RIMS1: variants seen among roughly 807,000 people sequenced by gnomAD.
RIMS1 encodes regulating synaptic membrane exocytosis 1, also known as regulating synaptic membrane exocytosis protein 1.
Under a neutral mutation model 214.1 loss-of-function variants are expected in RIMS1, and 83 were observed. The ratio of observed to expected loss-of-function variants is 0.39; its 90% CI spans 0.32 to 0.47. RIMS1 has a LOEUF of 0.47. Among genes scored for constraint, RIMS1 ranks in the 20% least tolerant of loss-of-function variants. RIMS1 has a pLI of 0.99. For synonymous variants in RIMS1, 793 were observed against 786.8 expected (o/e 1.01, Z -0.13); for missense variants, 2,050 against 2,161.8 (o/e 0.95, Z 1.03).
At chr6:72,305,761 A>G (rs1168499479) in intron 26 of RIMS1, among the ~76,000 whole-genome samples, 1 of 152,122 alleles carries the variant, frequency 6.6e-6, no homozygotes, top group Non-Finnish European at 1.5e-5. Flanking sequence ...AATGGTAATA[A>G]TAGTCACCAT....
chr6:72,264,445 G>A (rs1171026439), intron 19 of RIMS1, among the ~76,000 whole-genome samples: 1 of 152,118 alleles, frequency 6.6e-6, no homozygotes, highest in African/African-American at 2.4e-5. Flanking sequence ...AGTAGAAAGA[G>A]CTTGCTCCTT....
intron 2 of RIMS1, 24 bp from the exon 3 acceptor site, chr6:72,096,925 G>A (rs188945948): frequency 6.3e-7 from 1 of 1,583,014 alleles, no homozygotes; most frequent in Admixed American, 1.7e-5. Flanking sequence ...TACTTAGTTT[G>A]CTACCATTTT....
At chr6:72,310,412 T>TA (rs1477608365) in intron 27 of RIMS1, among the ~76,000 whole-genome samples, 1 of 152,044 alleles carries the variant, frequency 6.6e-6, no homozygotes, top group Admixed American at 6.6e-5. Context: ...ATTTTTTTTT[T>TA]ATTGGTGGTA....
intron 2 of RIMS1, among the ~76,000 whole-genome samples, chr6:72,057,315 A>T (rs929521627): frequency 1.3e-4 from 20 of 152,302 alleles, no homozygotes; most frequent in Admixed American, 3.3e-4. Context: ...AGGAGAATGG[A>T]TGCTACCACG....
At chr6:72,349,615 A>G (rs138220900) in intron 29 of RIMS1, among the ~76,000 whole-genome samples, 1 of 151,984 alleles carries the variant, frequency 6.6e-6, no homozygotes, top group Non-Finnish European at 1.5e-5. Context: ...CTGAAAATGG[A>G]TGTAAATACT....
chr6:72,206,456 GTTA>G (rs1221131485), intron 6 of RIMS1, among the ~76,000 whole-genome samples: 1 of 152,088 alleles, frequency 6.6e-6, no homozygotes, highest in Non-Finnish European at 1.5e-5. Flanking sequence ...AGATATCAGT[GTTA>G]TTATTATAGT....
At chr6:72,395,217 G>A (rs1382878409) in intron 31 of RIMS1, among the ~76,000 whole-genome samples, 1 of 151,982 alleles carries the variant, frequency 6.6e-6, no homozygotes, top group Non-Finnish European at 1.5e-5. Context: ...AGAGAATAGA[G>A]AGACAGTTTT....
chr6:72,006,366 A>G (rs1235901993), intron 2 of RIMS1, among the ~76,000 whole-genome samples: 1 of 152,220 alleles, frequency 6.6e-6, no homozygotes, highest in African/African-American at 2.4e-5. Context: ...AAGATGGCCA[A>G]ATAGGAACAG....
Position 71,921,169 on chromosome 6 carries a change from C to T in RIMS1, c.164+33982C>T, listed in dbSNP as rs1013842317. The stretch of plus-strand genomic sequence containing the variant: ...TTTGAGACAGAGTCTTGCTCTGTCA[C>T]CCAGGCTGGAGTGCAGTCTCAGCTC... On this transcript the variant is annotated intron_variant, in intron 1 of 33. Transcript: ENST00000521978. Among the ~76,000 whole-genome samples, 53 of 152,086 alleles carry T rather than the reference C, an allele frequency of 3.5e-4. 2 individuals carry two copies. The highest frequency in any genetic ancestry group is 2.0e-4 in the Admixed American group (3 of 15,256).
intron 7 of RIMS1, 136 bp from the exon 8 acceptor site, chr6:72,235,482 C>T: frequency 1.8e-6 from 1 of 565,180 alleles, no homozygotes; most frequent in Non-Finnish European, 3.2e-6. Context: ...CTAACATGTT[C>T]CTGGCTTATT....
chr6:72,094,551 A>C (rs2030601375), intron 2 of RIMS1, among the ~76,000 whole-genome samples: 1 of 152,240 alleles, frequency 6.6e-6, no homozygotes, highest in South Asian at 2.1e-4. Context: ...AAACTGCTGT[A>C]TGGGCAAAAT....
At position 72,015,875 on chromosome 6, in the gene RIMS1, G is replaced by A. The variant is rs1032998675; in HGVS notation, c.245+46812G>A. Among the ~76,000 whole-genome samples the A allele has an allele frequency of 1.1e-4, 16 of 152,140 alleles. No individual in the cohort carries two copies. The South Asian group carries it at 1.2e-3, about 12-fold the overall frequency. On this transcript the variant is annotated intron_variant, in intron 2 of 33. Transcript: ENST00000521978. Reference sequence around the variant, plus strand: ...CGGGAGGCAGAGGTTGCAGTGAGCCGAGATCGCGCCATTGTACTCCAGGCT... The same window carrying A: ...CGGGAGGCAGAGGTTGCAGTGAGCCAAGATCGCGCCATTGTACTCCAGGCT...
chr6:72,282,633 C>T (rs1283545298), intron 23 of RIMS1, among the ~76,000 whole-genome samples: 3 of 152,062 alleles, frequency 2.0e-5, no homozygotes, highest in Non-Finnish European at 2.9e-5. Context: ...GATTTTAATC[C>T]TAGCTTTGCC....
intron 6 of RIMS1, among the ~76,000 whole-genome samples, chr6:72,202,719 T>C (rs1020785645): frequency 2.0e-5 from 3 of 152,322 alleles, no homozygotes; most frequent in African/African-American, 7.2e-5. Context: ...AACATGATCA[T>C]GAAGAACCTT....
chr6:72,131,570 G>C (rs1397205393), intron 4 of RIMS1, among the ~76,000 whole-genome samples: 3 of 152,110 alleles, frequency 2.0e-5, no homozygotes, highest in Non-Finnish European at 4.4e-5. Flanking sequence ...CAAAGATCAC[G>C]TACTTCACAA....
At chr6:71,995,474 G>GTGTA (rs1024526527) in intron 2 of RIMS1, among the ~76,000 whole-genome samples, 8 of 151,332 alleles carry the variant, frequency 5.3e-5, no homozygotes, top group African/African-American at 1.9e-4. Context: ...GTGTGTGTGT[G>GTGTA]TGTGTGTGTA....
chr6:72,241,866 C>T (rs946502521), intron 9 of RIMS1, among the ~76,000 whole-genome samples: 10 of 152,102 alleles, frequency 6.6e-5, no homozygotes, highest in Non-Finnish European at 1.2e-4. Flanking sequence ...ATTAATTGCT[C>T]TTTCTTCCAA....
intron 2 of RIMS1, among the ~76,000 whole-genome samples, chr6:72,007,829 G>A (rs950976223): frequency 3.3e-5 from 5 of 152,192 alleles, no homozygotes; most frequent in Non-Finnish European, 7.3e-5. Flanking sequence ...TATGTGAAAA[G>A]ACCAAATCTA....
chr6:72,271,308 T>A (rs1315526993), intron 22 of RIMS1, among the ~76,000 whole-genome samples: 1 of 140,612 alleles, frequency 7.1e-6, no homozygotes, highest in Non-Finnish European at 1.5e-5. Context: ...TATATATATA[T>A]ATATATATGT....
Sources: gnomAD v4.1 joint callset for allele counts (sites outside exome capture counted in the v4.1 genomes callset) on GRCh38, gnomAD v4.1.1 for gene constraint, MANE v1.5 for transcripts, NCBI Gene and HGNC (gene_info 2026-07-23, HGNC 2026-07-21) for gene names.